JAKMIP2: variants seen among roughly 807,000 people sequenced by gnomAD.
The protein encoded by JAKMIP2 is janus kinase and microtubule-interacting protein 2.
A neutral mutation model predicts 115.0 loss-of-function variants in JAKMIP2; 25 were observed. The ratio of observed to expected loss-of-function variants is 0.22; its 90% CI spans 0.16 to 0.30. The LOEUF (loss-of-function observed/expected upper bound fraction) is 0.30, where lower values mean the gene tolerates loss of function less well. Ranked by LOEUF, JAKMIP2 falls within the 10% of genes least tolerant of loss-of-function variation. The pLI is 1.00. For missense variants in JAKMIP2, 642 were observed against 957.6 expected (o/e 0.67, Z 4.35); for synonymous variants, 334 against 343.6 (o/e 0.97, Z 0.31).
intron 16 of JAKMIP2, among the ~76,000 whole-genome samples, chr5:147,626,159 G>A (rs1757083275): frequency 6.6e-6 from 1 of 152,164 alleles, no homozygotes. Flanking sequence ...TTTTATCTGT[G>A]AATCCCACAG....
chr5:147,588,588 A>T lies in JAKMIP2; in HGVS notation c.*3119T>A, dbSNP rs1754972355. 6.6e-6 allele frequency: 1 copy of T among 152,104 alleles called. No homozygotes were observed. Among genetic ancestry groups the T allele is most frequent in the Non-Finnish European group, 1.5e-5 (1 of 68,018 alleles). The allele number at this position is 152,104 out of a possible 1,614,324, so 9.4% of individuals were successfully genotyped here. A position where few individuals can be genotyped will look rare whatever the true frequency, so the allele number is the denominator to read the frequency against. ...GTATCTATTGAAATATTTATACTTT[A>T]TTCAAGGATATATTCATTTTGAGGC... is the stretch of plus-strand genomic sequence containing the variant. On this transcript the variant is annotated 3_prime_UTR_variant, in exon 22 of 22. Coordinates refer to ENST00000616793, the MANE Select transcript of JAKMIP2 (RefSeq NM_001270941.2).
At position 147,634,604 on chromosome 5, in the gene JAKMIP2, G is replaced by C. The variant is rs542102613; in HGVS notation, c.1677+1618C>G. 2.0e-5 allele frequency among the ~76,000 whole-genome samples: 3 copies of C among 152,302 alleles called. No individual in the cohort carries two copies. The East Asian group carries it at 5.8e-4, about 29-fold the overall frequency. Reference sequence around the variant, plus strand: ...GAAACAATTAGATCAGTGGTTCACAGACTGTAATTCATTCAATGCCAACAA... The same window carrying C: ...GAAACAATTAGATCAGTGGTTCACACACTGTAATTCATTCAATGCCAACAA... On this transcript the variant is annotated intron_variant, in intron 12 of 21. Coordinates refer to ENST00000616793, the MANE Select transcript of JAKMIP2 (RefSeq NM_001270941.2).
At chr5:147,638,282 G>A (rs977682114) in intron 10 of JAKMIP2, among the ~76,000 whole-genome samples, 3 of 151,928 alleles carry the variant, frequency 2.0e-5, no homozygotes, top group African/African-American at 4.8e-5. Flanking sequence ...CAGAGAGAAC[G>A]CTAAACCTTT....
rs142486849 is a variant in JAKMIP2 at position 147,661,443 on chromosome 5, T to C, written c.132A>G (p.Val44=). The C allele has an allele frequency of 2.5e-6, 4 of 1,609,276 alleles. No homozygotes were observed. Among genetic ancestry groups the C allele is most frequent in the Non-Finnish European group, 3.4e-6 (4 of 1,178,144 alleles). The part of the protein sequence containing the change: ...QIELHQEKSK[V]SKLEREKTQE... The stretch of plus-strand genomic sequence containing the variant: ...GAGTCTTCTCTCTTTCAAGCTTTGA[T>C]ACCTAAAAACAGAGAGGCGAAATGA... Residue 44 remains valine, a splice_region_variant and synonymous_variant, in exon 3 of 22, where the codon GTA becomes GTG. Coordinates refer to ENST00000616793, the MANE Select transcript of JAKMIP2 (RefSeq NM_001270941.2).
intron 21 of JAKMIP2, among the ~76,000 whole-genome samples, chr5:147,597,726 C>A (rs1004421096): frequency 6.6e-6 from 1 of 152,170 alleles, no homozygotes; most frequent in Non-Finnish European, 1.5e-5. Context: ...CCCTGTGTAA[C>A]CATGTAATGT....
chr5:147,688,432 T>A (rs1760674656), intron 1 of JAKMIP2, among the ~76,000 whole-genome samples: 1 of 152,170 alleles, frequency 6.6e-6, no homozygotes, highest in Non-Finnish European at 1.5e-5. Context: ...GATAATTAAA[T>A]AAAAGGGGAT....
chr5:147,655,892 T>C (rs1758650245), intron 3 of JAKMIP2, among the ~76,000 whole-genome samples: 1 of 152,236 alleles, frequency 6.6e-6, no homozygotes, highest in South Asian at 2.1e-4. Context: ...TGGTACATTG[T>C]CTCTCTGTTC....
intron 10 of JAKMIP2, 104 bp downstream of exon 10, chr5:147,639,528 A>C: frequency 7.5e-7 from 1 of 1,329,778 alleles, no homozygotes; most frequent in Non-Finnish European, 1.0e-6. Flanking sequence ...AGAGGAGAGA[A>C]GAATACAGGG....
chr5:147,644,778 A>T, intron 6 of JAKMIP2, 72 bp downstream of exon 6: 1 of 1,306,564 alleles, frequency 7.7e-7, no homozygotes, highest in South Asian at 1.4e-5. Context: ...AAGCTGAGAA[A>T]TGGCAATAAG....
At chr5:147,761,978 A>G (rs1754943880) in intron 1 of JAKMIP2, among the ~76,000 whole-genome samples, 1 of 152,118 alleles carries the variant, frequency 6.6e-6, no homozygotes, top group African/African-American at 2.4e-5. Flanking sequence ...ATAAAAATAC[A>G]TATGTCTTAT....
intron 1 of JAKMIP2, among the ~76,000 whole-genome samples, chr5:147,728,886 T>C (rs1753618779): frequency 6.6e-6 from 1 of 152,172 alleles, no homozygotes; most frequent in Admixed American, 6.5e-5. Context: ...CATGTGGAAT[T>C]AGCCATTCCC....
intron 1 of JAKMIP2, among the ~76,000 whole-genome samples, chr5:147,721,705 G>C (rs972148285): frequency 6.6e-6 from 1 of 152,006 alleles, no homozygotes; most frequent in Non-Finnish European, 1.5e-5. Context: ...TCCCTGCTTC[G>C]GCTCGCGCAC....
At chr5:147,625,106 A>G (rs561540337) in intron 16 of JAKMIP2, among the ~76,000 whole-genome samples, 2 of 152,156 alleles carry the variant, frequency 1.3e-5, no homozygotes, top group African/African-American at 4.8e-5. Context: ...CAGCCTCCCA[A>G]GTAGCTGGGA....
chr5:147,655,469 T>C (rs770644490), intron 3 of JAKMIP2, among the ~76,000 whole-genome samples: 4 of 152,214 alleles, frequency 2.6e-5, no homozygotes, highest in Non-Finnish European at 4.4e-5. Flanking sequence ...TTCTTCTAGA[T>C]TTTCTAGTTT....
At chr5:147,721,778 C>T (rs935055459) in intron 1 of JAKMIP2, among the ~76,000 whole-genome samples, 2 of 152,150 alleles carry the variant, frequency 1.3e-5, no homozygotes, top group African/African-American at 2.4e-5. Flanking sequence ...GAACCCGGTA[C>T]CTCAGATGGA....
chr5:147,751,564 G>A (rs1340517188), intron 1 of JAKMIP2, among the ~76,000 whole-genome samples: 2 of 128,780 alleles, frequency 1.6e-5, no homozygotes, highest in African/African-American at 6.1e-5. Context: ...TTTATTAGGA[G>A]TCTCTTCCAT....
At chr5:147,717,738 G>C (rs199777031) in intron 1 of JAKMIP2, among the ~76,000 whole-genome samples, 13,942 of 147,704 alleles carry the variant, frequency 0.094, 990 homozygotes, top group East Asian at 0.37. Context: ...AGCTTAAGGA[G>C]ATTTTGGGCT....
At chr5:147,672,746 G>T (rs962756553) in intron 1 of JAKMIP2, among the ~76,000 whole-genome samples, 1 of 152,312 alleles carries the variant, frequency 6.6e-6, no homozygotes, top group East Asian at 1.9e-4. Context: ...AACTTGAGGA[G>T]TGGGTAAGAT....
chr5:147,709,876 T>C (rs1441342978), intron 1 of JAKMIP2, among the ~76,000 whole-genome samples: 1 of 152,004 alleles, frequency 6.6e-6, no homozygotes, highest in African/African-American at 2.4e-5. Flanking sequence ...AAAACAATCG[T>C]CCTAGTCTTT....
Sources: allele counts gnomAD v4.1 joint callset (sites outside exome capture counted in the v4.1 genomes callset), GRCh38; gene constraint gnomAD v4.1.1; transcripts MANE v1.5; gene names NCBI Gene and HGNC (gene_info 2026-07-23, HGNC 2026-07-21).